The following ZNF253 variants were observed in gnomAD, a reference collection of about 807,000 sequenced individuals.
The protein encoded by ZNF253 is DNA-binding protein.
Under a neutral mutation model 11.9 loss-of-function variants are expected in ZNF253, and 8 were observed. The ratio of observed to expected loss-of-function variants is 0.67; its 90% confidence interval spans 0.40 to 1.22. The LOEUF is 1.22. Among genes scored for constraint, ZNF253 ranks in the 50% most tolerant of loss-of-function variants. ZNF253 has a pLI of 0.01. For synonymous variants in ZNF253, 194 were observed against 194.9 expected (o/e 1.00, Z 0.04); for missense variants, 485 against 586.9 (o/e 0.83, Z 1.79).
chr19:19,892,930 C>G lies in ZNF253; in HGVS notation c.*183C>G, dbSNP rs1368061528. The G allele has an allele frequency of 7.2e-5, 44 of 612,986 alleles. No individual in the cohort carries two copies. The highest frequency in any genetic ancestry group is 5.6e-6 in the Non-Finnish European group (2 of 359,956). 38.0% of individuals were successfully genotyped at this position (612,986 alleles called of 1,614,324 possible). On this transcript the variant is annotated 3_prime_UTR_variant, in exon 4 of 4. Coordinates refer to ENST00000589717, the MANE Select transcript of ZNF253 (RefSeq NM_021047.3). ...ACATAATTCATACCAAACAGAAGCC[C>G]TACAAGTGTGAAGAATGTGGCAAAA...
Position 19,880,064 on chromosome 19 carries a change from T to G in ZNF253, c.144T>G (p.Ser48=). 1 of 1,605,978 alleles carries G rather than the reference T, an allele frequency of 6.2e-7. No individual in the cohort carries two copies. The highest frequency in any genetic ancestry group is 8.5e-7 in the Non-Finnish European group (1 of 1,176,824). ...RNLVFLGIVV[S]KPDLVTCLEQ... is the part of the protein sequence containing the mutation. ...TTAATAAAACAGGTATTGTTGTCTC[T>G]AAGCCAGACCTGGTTACCTGTCTGG... Residue 48 remains serine, a synonymous_variant, in exon 3 of 4, where the codon TCT becomes TCG. Transcript: ENST00000589717.
At chr19:19,891,258 C>A (rs1192054706) in intron 3 of ZNF253, among the ~76,000 whole-genome samples, 1 of 152,136 alleles carries the variant, frequency 6.6e-6, no homozygotes, top group African/African-American at 2.4e-5. Context: ...TCACCTGGAG[C>A]CCTTCACACA....
intron 2 of ZNF253, among the ~76,000 whole-genome samples, chr19:19,879,129 A>G (rs1039897735): frequency 1.1e-4 from 16 of 152,288 alleles, no homozygotes; most frequent in South Asian, 2.1e-4. Context: ...TATTGCTACC[A>G]TGTTTTACCT....
rs751547878 is a variant in ZNF253, at chr19:19,892,057, C to T, written c.810C>T (p.Asp270=). 1 of 1,613,816 alleles carries T rather than the reference C, an allele frequency of 6.2e-7. No individual in the cohort carries two copies. Among genetic ancestry groups the T allele is most frequent in the Non-Finnish European group, 8.5e-7 (1 of 1,179,964 alleles). ...ECGKAFNRST[D]LTTHKIVHTG... is the part of the protein sequence containing the mutation. ...GCAAAGCCTTCAACCGATCCACAGACCTTACTACACATAAGATAGTTCATA... is the reference window on the plus strand; with the variant it reads ...GCAAAGCCTTCAACCGATCCACAGATCTTACTACACATAAGATAGTTCATA... Residue 270 remains aspartate (D), a synonymous_variant, in exon 4 of 4, where the codon GAC becomes GAT. Coordinates refer to ENST00000589717, the MANE Select transcript of ZNF253 (RefSeq NM_021047.3).
At chr19:19,883,547 G>A (rs1390365794) in intron 3 of ZNF253, among the ~76,000 whole-genome samples, 1 of 152,050 alleles carries the variant, frequency 6.6e-6, no homozygotes, top group Non-Finnish European at 1.5e-5. Flanking sequence ...TACATTGCAG[G>A]TTGGGGGACA....
intron 1 of ZNF253, among the ~76,000 whole-genome samples, chr19:19,866,725 C>T (rs973522648): frequency 4.6e-5 from 7 of 151,984 alleles, no homozygotes; most frequent in Non-Finnish European, 1.5e-5. Flanking sequence ...TTTGAACTCC[C>T]GAACTCAGTT....
Position 19,891,920 on chromosome 19 carries a change from G to C in ZNF253, c.673G>C (p.Glu225Gln). 1 of 1,613,718 alleles carries C rather than the reference G, an allele frequency of 6.2e-7. No individual in the cohort carries two copies. The highest frequency in any genetic ancestry group is 8.5e-7 in the Non-Finnish European group (1 of 1,179,958). ...TACACATAAGAGAATTCATACCGGA[G>C]AGAAACCCTACAGATGTGAAGAATG... is the stretch of plus-strand genomic sequence containing the variant. ...LTTHKRIHTG[E>Q]KPYRCEECGK... Residue 225 changes from glutamate to glutamine, a missense_variant, in exon 4 of 4, where the codon GAG becomes CAG. Around this residue, in one of 3 missense-constraint regions of ZNF253, gnomAD observed 218 missense variants for 213.1 expected, o/e 1.02. Transcript: ENST00000589717.
rs372224687 is a variant in ZNF253 at position 19,866,011 on chromosome 19, G to A, written c.3+12G>A. 1.1e-5 allele frequency: 17 copies of A among 1,614,054 alleles called. No individual in the cohort carries two copies. In the African/African-American group the frequency reaches 2.3e-4, roughly 22 times the overall value. Reference sequence around the variant, plus strand: ...GAAGCCTAGAAATGGTGAGTGCCGGGTCCAACGTCCCGAGAGAGGGGAGAG... The same window carrying A: ...GAAGCCTAGAAATGGTGAGTGCCGGATCCAACGTCCCGAGAGAGGGGAGAG... On this transcript the variant is annotated intron_variant, in intron 1 of 3. Transcript: ENST00000589717.
chr19:19,886,028 C>T (rs907600519), intron 3 of ZNF253, among the ~76,000 whole-genome samples: 6 of 151,946 alleles, frequency 3.9e-5, no homozygotes, highest in African/African-American at 1.4e-4. Flanking sequence ...AAGATCTTAC[C>T]GTCATCCAGG....
At chr19:19,885,892 C>T (rs1482816964) in intron 3 of ZNF253, among the ~76,000 whole-genome samples, 1 of 152,144 alleles carries the variant, frequency 6.6e-6, no homozygotes, top group Non-Finnish European at 1.5e-5. Flanking sequence ...GTTTTATATT[C>T]ACATGCTTTT....
intron 1 of ZNF253, among the ~76,000 whole-genome samples, chr19:19,872,046 C>T (rs994395466): frequency 1.3e-5 from 2 of 152,074 alleles, no homozygotes; most frequent in Non-Finnish European, 2.9e-5. Context: ...CATCTATAGT[C>T]CTCTACAGTC....
intron 1 of ZNF253, among the ~76,000 whole-genome samples, chr19:19,869,689 A>T (rs113903626): frequency 0.019 from 1,213 of 63,670 alleles, 107 homozygotes; most frequent in African/African-American, 0.13. Context: ...TTTTTTTTTA[A>T]AAAACAGTCT....
At chr19:19,889,445 C>T (rs1180025950) in intron 3 of ZNF253, among the ~76,000 whole-genome samples, 3 of 152,136 alleles carry the variant, frequency 2.0e-5, no homozygotes, top group Non-Finnish European at 4.4e-5. Context: ...CTCCCAGGTT[C>T]AAGTGAGTCT....
intron 3 of ZNF253, among the ~76,000 whole-genome samples, chr19:19,884,063 A>C (rs1210195031): frequency 2.0e-5 from 3 of 151,962 alleles, no homozygotes; most frequent in African/African-American, 7.2e-5. Context: ...ATCTCAAAAA[A>C]AAAAAAAAAA....
In ZNF253 at chr19:19,872,581, T is replaced by A. The variant is rs1440401991; in HGVS notation, c.4-5900T>A. Among the ~76,000 whole-genome samples the A allele has an allele frequency of 1.2e-3, 99 of 80,858 alleles. 3 individuals carry two copies. The African/African-American group carries it at 0.014, about 11-fold the overall frequency. The allele number at this position is 80,858 out of a possible 152,430, so 53.0% of individuals were successfully genotyped here. ...CATAACTATATATATATATATATATTATTATATATATATATATATAATCAA... is the reference window on the plus strand; with the variant it reads ...CATAACTATATATATATATATATATAATTATATATATATATATATAATCAA... On this transcript the variant is annotated intron_variant, in intron 1 of 3. Coordinates refer to ENST00000589717, the MANE Select transcript of ZNF253 (RefSeq NM_021047.3).
chr19:19,866,876 G>C (rs969480285), intron 1 of ZNF253, among the ~76,000 whole-genome samples: 3 of 152,154 alleles, frequency 2.0e-5, no homozygotes, highest in Admixed American at 6.5e-5. Context: ...AAATAAGGAA[G>C]GGGTTCGGGT....
intron 3 of ZNF253, among the ~76,000 whole-genome samples, chr19:19,886,214 A>G (rs2063205962): frequency 6.6e-6 from 1 of 152,162 alleles, no homozygotes; most frequent in Non-Finnish European, 1.5e-5. Flanking sequence ...GCTGGTTTCA[A>G]ACTTTTGGCC....
chr19:19,880,560 C>G (rs773485908), intron 3 of ZNF253, among the ~76,000 whole-genome samples: 1 of 151,994 alleles, frequency 6.6e-6, no homozygotes, highest in South Asian at 2.1e-4. Context: ...CAAAAATTAG[C>G]TGGGCGTGGT....
chr19:19,874,716 C>G lies in ZNF253; in HGVS notation c.4-3765C>G, dbSNP rs568986777. Among the ~76,000 whole-genome samples the G allele has an allele frequency of 1.6e-4, 24 of 152,068 alleles. No homozygotes were observed. In the South Asian group the frequency reaches 2.7e-3, roughly 17 times the overall value. Reference sequence around the variant, plus strand: ...CACGAGGTCAGGAGATCGAGACCATCCTGGCTAACACGGTGAAACCCCGTC... The same window carrying G: ...CACGAGGTCAGGAGATCGAGACCATGCTGGCTAACACGGTGAAACCCCGTC... On this transcript the variant is annotated intron_variant, in intron 1 of 3. Transcript: ENST00000589717.
Sources: gnomAD v4.1 joint callset for allele counts (sites outside exome capture counted in the v4.1 genomes callset) on GRCh38, gnomAD v4.1.1 for gene constraint, gnomAD v4.1.1 regional missense constraint, MANE v1.5 for transcripts, NCBI Gene and HGNC (gene_info 2026-07-23, HGNC 2026-07-21) for gene names.